The following MSI2 variants were observed in gnomAD, a reference collection of about 807,000 sequenced individuals.
MSI2 encodes musashi RNA binding protein 2.
Under a neutral mutation model 45.6 loss-of-function variants are expected in MSI2, and 17 were observed. That is an observed-to-expected ratio of 0.37 (90% CI 0.26 to 0.56). The LOEUF (loss-of-function observed/expected upper bound fraction) is 0.56, where lower values mean the gene tolerates loss of function less well. Among genes scored for constraint, MSI2 ranks in the 20% least tolerant of loss-of-function variants. The probability of loss-of-function intolerance (pLI) is 0.77; values close to 1 mark genes in which losing one functional copy is unlikely to be tolerated. For synonymous variants in MSI2, 156 were observed against 158.2 expected, an observed-to-expected ratio of 0.99 and a Z score of 0.11; for missense variants, 293 against 444.2, an observed-to-expected ratio of 0.66 and a Z score of 3.06.
At chr17:57,465,307 A>G (rs1432663864) in intron 6 of MSI2, among the ~76,000 whole-genome samples, 1 of 152,116 alleles carries the variant, frequency 6.6e-6, no homozygotes, top group Non-Finnish European at 1.5e-5. Context: ...ACTTAAAGAA[A>G]AAAAAACACA....
At chr17:57,273,434 C>T (rs1908545707) in intron 5 of MSI2, among the ~76,000 whole-genome samples, 2 of 149,510 alleles carry the variant, frequency 1.3e-5, no homozygotes. Context: ...GGTTAATGTC[C>T]ATACACGTCC....
intron 5 of MSI2, among the ~76,000 whole-genome samples, chr17:57,325,021 A>G (rs1314579491): frequency 6.6e-6 from 1 of 152,202 alleles, no homozygotes; most frequent in Non-Finnish European, 1.5e-5. Flanking sequence ...AGTGGTATCT[A>G]CCTATGTTTA....
At chr17:57,485,716 T>G (rs1598322318) in intron 6 of MSI2, among the ~76,000 whole-genome samples, 1 of 152,190 alleles carries the variant, frequency 6.6e-6, no homozygotes, top group Non-Finnish European at 1.5e-5. Flanking sequence ...CACAGGAGTG[T>G]GGTTCCATGG....
intron 1 of MSI2, 119 bp from the exon 2 acceptor site, chr17:57,256,979 C>A: frequency 1.3e-6 from 2 of 1,557,812 alleles, no homozygotes; most frequent in Non-Finnish European, 1.7e-6. Context: ...CTCCCCCACC[C>A]CACCTCCCGG....
intron 7 of MSI2, among the ~76,000 whole-genome samples, chr17:57,572,976 G>A (rs933331682): frequency 7.9e-5 from 12 of 152,320 alleles, no homozygotes; most frequent in African/African-American, 2.2e-4. Flanking sequence ...AAGTGTGGAC[G>A]TGCCCGACAA....
the MSI2 span, among the ~76,000 whole-genome samples, chr17:57,701,363 G>A: frequency 4.6e-5 from 7 of 152,180 alleles, no homozygotes; most frequent in Non-Finnish European, 1.0e-4. Context: ...AGGTAATTAG[G>A]TCATGAAAGT....
chr17:57,672,133 A>G (rs2144742340), intron 11 of MSI2, among the ~76,000 whole-genome samples: 1 of 152,258 alleles, frequency 6.6e-6, no homozygotes, highest in East Asian at 1.9e-4. Flanking sequence ...GGACATCTGC[A>G]AGGTGACTTT....
chr17:57,538,787 C>T (rs2086977657), intron 7 of MSI2, among the ~76,000 whole-genome samples: 1 of 152,178 alleles, frequency 6.6e-6, no homozygotes, highest in African/African-American at 2.4e-5. Flanking sequence ...GAAAGGATGC[C>T]TGCAAAATCG....
chr17:57,530,631 G>C (rs1172643057), intron 7 of MSI2, among the ~76,000 whole-genome samples: 1 of 152,208 alleles, frequency 6.6e-6, no homozygotes, highest in Non-Finnish European at 1.5e-5. Flanking sequence ...GTGCCCTCAA[G>C]GGAGGGAGCC....
intron 7 of MSI2, among the ~76,000 whole-genome samples, chr17:57,591,700 C>T (rs1157198474): frequency 6.7e-6 from 1 of 148,494 alleles, no homozygotes; most frequent in Non-Finnish European, 1.5e-5. Flanking sequence ...TTACTCTAGC[C>T]TGAGTGACAA....
At chr17:57,498,728 T>A (rs981436757) in intron 6 of MSI2, among the ~76,000 whole-genome samples, 1 of 152,194 alleles carries the variant, frequency 6.6e-6, no homozygotes, top group African/African-American at 2.4e-5. Flanking sequence ...TAGTTGCAAT[T>A]CACTTTTTAA....
chr17:57,284,378 C>T (rs1326063468), intron 5 of MSI2, among the ~76,000 whole-genome samples: 1 of 152,080 alleles, frequency 6.6e-6, no homozygotes, highest in Non-Finnish European at 1.5e-5. Flanking sequence ...TGGCCTAGAA[C>T]TCGAACTGAT....
At chr17:57,507,587 G>A (rs1011917605) in intron 6 of MSI2, among the ~76,000 whole-genome samples, 3 of 152,112 alleles carry the variant, frequency 2.0e-5, no homozygotes, top group African/African-American at 7.2e-5. Context: ...AAATGCAATA[G>A]GACTATAAAA....
At chr17:57,555,868 G>A (rs4793554) in intron 7 of MSI2, among the ~76,000 whole-genome samples, 73,534 of 151,912 alleles carry the variant, frequency 0.48, 18,574 homozygotes, top group African/African-American at 0.64. Context: ...ACCTTCCTGG[G>A]GCCCCACCTG....
downstream of MSI2, among the ~76,000 whole-genome samples, chr17:57,689,608 A>G (rs978559574): frequency 4.6e-5 from 7 of 152,212 alleles, no homozygotes; most frequent in Non-Finnish European, 8.8e-5. Context: ...TGACAAATAT[A>G]TACTATACAC....
intron 6 of MSI2, among the ~76,000 whole-genome samples, chr17:57,495,787 G>C (rs2085967673): frequency 6.6e-6 from 1 of 152,112 alleles, no homozygotes; most frequent in African/African-American, 2.4e-5. Context: ...CAGCATCCCA[G>C]CGCCCTGAGT....
At chr17:57,261,456 G>C (rs773492663) in intron 4 of MSI2, among the ~76,000 whole-genome samples, 1 of 151,848 alleles carries the variant, frequency 6.6e-6, no homozygotes, top group African/African-American at 2.4e-5. Flanking sequence ...TTAAAATCCA[G>C]GTGGATTTAG....
At chr17:57,672,272 A>G (rs1290279320) in intron 11 of MSI2, among the ~76,000 whole-genome samples, 1 of 152,204 alleles carries the variant, frequency 6.6e-6, no homozygotes, top group African/African-American at 2.4e-5. Context: ...AGGACTGAGC[A>G]AGGAGGGGTA....
At chr17:57,602,613 C>T (rs1906028368) in intron 8 of MSI2, among the ~76,000 whole-genome samples, 1 of 152,130 alleles carries the variant, frequency 6.6e-6, no homozygotes, top group Non-Finnish European at 1.5e-5. Flanking sequence ...CCTCTGCCTC[C>T]AAAAGTGCTG....
Sources: gnomAD v4.1 joint callset for allele counts (sites outside exome capture counted in the v4.1 genomes callset) on GRCh38, gnomAD v4.1.1 for gene constraint, MANE v1.5 for transcripts, NCBI Gene and HGNC (gene_info 2026-07-23, HGNC 2026-07-21) for gene names.